The following SGK3 variants were observed in gnomAD, a reference collection of about 807,000 sequenced individuals.
SGK3 encodes serum/glucocorticoid regulated kinase family member 3, also known as serine/threonine-protein kinase Sgk3.
A neutral mutation model predicts 68.5 loss-of-function variants in SGK3; 47 were observed. The ratio of observed to expected loss-of-function variants is 0.69; its 90% CI spans 0.54 to 0.87. The LOEUF (loss-of-function observed/expected upper bound fraction) is 0.87. SGK3 is among the 40% of genes least tolerant of loss of function. The pLI is 0.00. For synonymous variants in SGK3, 181 were observed against 189.1 expected (o/e 0.96, Z 0.35); for missense variants, 479 against 575.5 (o/e 0.83, Z 1.72).
At chr8:66,835,642 C>A in intron 8 of SGK3, 121 bp from the exon 9 acceptor site, 1 of 1,035,476 alleles carries the variant, frequency 9.7e-7, no homozygotes, top group Non-Finnish European at 1.4e-6. Flanking sequence ...AAAACATGAT[C>A]TAGGTCCCTT....
chr8:66,843,747 A>G (rs769304043), intron 14 of SGK3, among the ~76,000 whole-genome samples, 200 bp downstream of exon 14: 2 of 152,214 alleles, frequency 1.3e-5, no homozygotes, highest in Non-Finnish European at 2.9e-5. Flanking sequence ...TAATCCCAGC[A>G]CTTTGGGAGG....
At chr8:66,778,346 T>C (rs997333147) in intron 1 of SGK3, among the ~76,000 whole-genome samples, 1 of 152,312 alleles carries the variant, frequency 6.6e-6, no homozygotes, top group Non-Finnish European at 1.5e-5. Context: ...CAGGCTGGAG[T>C]GAAGTGGTGG....
At chr8:66,768,598 T>C (rs1806402164) in intron 1 of SGK3, among the ~76,000 whole-genome samples, 1 of 152,226 alleles carries the variant, frequency 6.6e-6, no homozygotes, top group Non-Finnish European at 1.5e-5. Flanking sequence ...GGAATCTTGC[T>C]CTGTCACCCA....
chr8:66,851,534 A>G (rs1295373667), intron 16 of SGK3, among the ~76,000 whole-genome samples: 1 of 151,974 alleles, frequency 6.6e-6, no homozygotes, highest in Non-Finnish European at 1.5e-5. Context: ...ATAAAATTAA[A>G]AAAAAAAAAA....
chr8:66,757,578 T>A (rs1806017124), intron 1 of SGK3, among the ~76,000 whole-genome samples: 1 of 151,716 alleles, frequency 6.6e-6, no homozygotes, highest in African/African-American at 2.4e-5. Context: ...GCTATCTATT[T>A]GTACTAGAAG....
At chr8:66,845,473 A>G (rs1809971031) in intron 14 of SGK3, among the ~76,000 whole-genome samples, 1 of 152,228 alleles carries the variant, frequency 6.6e-6, no homozygotes, top group Admixed American at 6.5e-5. Context: ...GGAAAGGAAA[A>G]GTGGCAAGCC....
At chr8:66,716,403 G>A (rs1487034437) in intron 1 of SGK3, among the ~76,000 whole-genome samples, 1 of 152,110 alleles carries the variant, frequency 6.6e-6, no homozygotes. Flanking sequence ...GAGCTAGAGG[G>A]TTTTCAAAGG....
chr8:66,784,222 G>A (rs1394875894), intron 1 of SGK3, among the ~76,000 whole-genome samples: 1 of 152,100 alleles, frequency 6.6e-6, no homozygotes, highest in Non-Finnish European at 1.5e-5. Context: ...TATGTGCATG[G>A]ATTTTCTTTT....
At chr8:66,848,887 C>T (rs72654911) in intron 15 of SGK3, among the ~76,000 whole-genome samples, 4,885 of 152,288 alleles carry the variant, frequency 0.032, 103 homozygotes, top group Non-Finnish European at 0.047. Flanking sequence ...ACAAAATAGC[C>T]AGTAGAATTG....
At chr8:66,803,816 C>G (rs1428931931) in intron 3 of SGK3, among the ~76,000 whole-genome samples, 2 of 151,930 alleles carry the variant, frequency 1.3e-5, no homozygotes, top group African/African-American at 4.8e-5. Flanking sequence ...GCCACCATGC[C>G]TGGCTTTTTT....
chr8:66,813,933 G>C lies in SGK3; in HGVS notation c.329+5G>C. ...GTATCCAGAACTTTATAACCAGTAA[G>C]TAATTTTTGTTGCGTTCTAAAGGGA... is the stretch of plus-strand genomic sequence containing the variant. On this transcript the variant is annotated splice_donor_5th_base_variant and intron_variant, in intron 5 of 16. Coordinates refer to ENST00000521198, the MANE Select transcript of SGK3 (RefSeq NM_001033578.3). 6.3e-7 allele frequency: 1 copy of C among 1,579,342 alleles called. No individual in the cohort carries two copies. Among genetic ancestry groups the C allele is most frequent in the Non-Finnish European group, 8.6e-7 (1 of 1,164,052 alleles).
At chr8:66,813,436 A>T (rs934454573) in intron 4 of SGK3, among the ~76,000 whole-genome samples, 1 of 152,016 alleles carries the variant, frequency 6.6e-6, no homozygotes, top group Non-Finnish European at 1.5e-5. Flanking sequence ...GGATTTCCAG[A>T]AATCCTTATT....
At chr8:66,734,518 G>A (rs1439524685) in intron 1 of SGK3, among the ~76,000 whole-genome samples, 1 of 151,838 alleles carries the variant, frequency 6.6e-6, no homozygotes, top group Non-Finnish European at 1.5e-5. Context: ...ACCATCCAAA[G>A]GTACTGTGGG....
At chr8:66,822,098 G>A (rs1257436946) in intron 5 of SGK3, among the ~76,000 whole-genome samples, 1 of 148,922 alleles carries the variant, frequency 6.7e-6, no homozygotes, top group Non-Finnish European at 1.5e-5. Flanking sequence ...CTGATTATTA[G>A]TGAAGTTAGC....
intron 4 of SGK3, among the ~76,000 whole-genome samples, chr8:66,804,654 G>A (rs1008359266): frequency 8.5e-5 from 13 of 152,178 alleles, no homozygotes; most frequent in Non-Finnish European, 1.6e-4. Flanking sequence ...TGACAACTTC[G>A]TGAGGTGGGT....
chr8:66,713,844 A>C (rs1333764181), intron 1 of SGK3, among the ~76,000 whole-genome samples: 1 of 152,194 alleles, frequency 6.6e-6, no homozygotes, highest in Non-Finnish European at 1.5e-5. Flanking sequence ...AGGAAGTTTT[A>C]GGCATGTTTT....
intron 7 of SGK3, among the ~76,000 whole-genome samples, chr8:66,830,812 A>G (rs1809273562): frequency 6.6e-6 from 1 of 152,220 alleles, no homozygotes; most frequent in African/African-American, 2.4e-5. Flanking sequence ...TCCAACTAGC[A>G]GCTTCATTTT....
intron 1 of SGK3, among the ~76,000 whole-genome samples, chr8:66,769,760 T>C (rs1162285619): frequency 6.6e-6 from 1 of 152,064 alleles, no homozygotes; most frequent in East Asian, 1.9e-4. Flanking sequence ...TTTGTAGAGA[T>C]GGGGTCTCCC....
intron 1 of SGK3, chr8:66,767,881 G>C: frequency 7.8e-7 from 1 of 1,282,720 alleles, no homozygotes; most frequent in Non-Finnish European, 1.1e-6. Context: ...ACATGATATT[G>C]AAACTTGAGA....
Sources: allele counts gnomAD v4.1 joint callset (sites outside exome capture counted in the v4.1 genomes callset), GRCh38; gene constraint gnomAD v4.1.1; transcripts MANE v1.5; gene names NCBI Gene and HGNC (gene_info 2026-07-23, HGNC 2026-07-21).